The following ATP1A1 variants were observed in gnomAD, a reference collection of about 807,000 sequenced individuals.
The protein encoded by ATP1A1 is sodium/potassium-transporting ATPase subunit alpha-1.
ATP1A1 carries 14 observed loss-of-function variants against 114.8 expected under a neutral mutation model. The ratio of observed to expected loss-of-function variants is 0.12; its 90% CI spans 0.08 to 0.19. The LOEUF (loss-of-function observed/expected upper bound fraction) is 0.19. ATP1A1 is among the 10% of genes least tolerant of loss of function. The probability of loss-of-function intolerance (pLI) is 1.00; values close to 1 mark genes in which losing one functional copy is unlikely to be tolerated. For missense variants in ATP1A1, 524 were observed against 1,290.7 expected, an observed-to-expected ratio of 0.41 and a Z score of 9.10; for synonymous variants, 471 against 466.3, an observed-to-expected ratio of 1.01 and a Z score of -0.13.
rs2101066700 is a variant in ATP1A1, at chr1:116,401,317, T to C, written c.2849+57T>C. The C allele has an allele frequency of 6.2e-7, 1 of 1,607,340 alleles. No individual in the cohort carries two copies. Among genetic ancestry groups the C allele is most frequent in the South Asian group, 1.1e-5 (1 of 90,896 alleles). Reference sequence around the variant, plus strand: ...CTCAAAGAAGGGGACTGGTGATTTGTAAACCCTTTGCCAAAAACTAAACAT... The same window carrying C: ...CTCAAAGAAGGGGACTGGTGATTTGCAAACCCTTTGCCAAAAACTAAACAT... On this transcript the variant is annotated intron_variant, in intron 20 of 22. Transcript: ENST00000295598. The surrounding 1 kb of genome is among the most constrained non-coding windows in gnomAD (Gnocchi z 4.7).
intron 12 of ATP1A1, among the ~76,000 whole-genome samples, chr1:116,394,029 AAT>A (rs1652698094): frequency 1.3e-5 from 2 of 152,152 alleles, no homozygotes; most frequent in Admixed American, 6.5e-5. Context: ...ATGGTGGAAG[AAT>A]ATCTTTCTTA....
At position 116,397,930 on chromosome 1, in the gene ATP1A1, C is replaced by T; in HGVS notation, c.2016C>T (p.Asp672=). ...TAGTACACGGCAGTGATCTAAAGGA[C>T]ATGACCTCCGAGCAGCTGGATGACA... ...ACVVHGSDLK[D]MTSEQLDDIL... Residue 672 remains aspartate (D), a synonymous_variant, in exon 15 of 23, where the codon GAC becomes GAT. Transcript: ENST00000295598. This position sits in a 1 kb window ranked among gnomAD's most constrained non-coding sequence, Gnocchi z 4.2. The T allele has an allele frequency of 6.2e-7, 1 of 1,612,696 alleles. No individual in the cohort carries two copies. Among genetic ancestry groups the T allele is most frequent in the Non-Finnish European group, 8.5e-7 (1 of 1,179,846 alleles).
At chr1:116,376,504 C>T (rs573906682) in intron 1 of ATP1A1, among the ~76,000 whole-genome samples, 154 of 152,316 alleles carry the variant, frequency 1.0e-3, no homozygotes, top group Admixed American at 1.7e-3. Flanking sequence ...GTGCCTAGAG[C>T]TGGGGGGTGG....
Position 116,404,103 on chromosome 1 carries a change from C to T in ATP1A1, c.3043+128C>T. 5 of 880,000 alleles carry T rather than the reference C, an allele frequency of 5.7e-6. No individual in the cohort carries two copies. The highest frequency in any genetic ancestry group is 8.8e-6 in the Non-Finnish European group (5 of 565,130). The allele number at this position is 880,000 out of a possible 1,614,324, so 54.5% of individuals were successfully genotyped here. A position where few individuals can be genotyped will look rare whatever the true frequency, so the allele number is the denominator to read the frequency against. On this transcript the variant is annotated intron_variant, in intron 22 of 22. Coordinates refer to ENST00000295598, the MANE Select transcript of ATP1A1 (RefSeq NM_000701.8). The surrounding 1 kb of genome is among the most constrained non-coding windows in gnomAD (Gnocchi z 4.8). ...AGTCTGATTAGCTAAGGTGACTGGA[C>T]CAGCAAACTGACCATAGTCACATCT...
At chr1:116,374,781 T>A (rs1275633944) in intron 1 of ATP1A1, among the ~76,000 whole-genome samples, 5 of 152,144 alleles carry the variant, frequency 3.3e-5, no homozygotes, top group Non-Finnish European at 2.9e-5. Context: ...AGACACTGAG[T>A]AGGTCTTTGA....
Position 116,384,976 on chromosome 1 carries a change from G to C in ATP1A1, c.183+134G>C. On this transcript the variant is annotated intron_variant, in intron 3 of 22. Coordinates refer to ENST00000295598, the MANE Select transcript of ATP1A1 (RefSeq NM_000701.8). This position sits in a 1 kb window ranked among gnomAD's most constrained non-coding sequence, Gnocchi z 5.1. ...GACACCATCTGCGTATCTACCATGT[G>C]ACATGCACAGAATTTGGGCATTTAT... 1 of 818,060 alleles carries C rather than the reference G, an allele frequency of 1.2e-6. No individual in the cohort carries two copies. The allele number at this position is 818,060 out of a possible 1,614,324, so 50.7% of individuals were successfully genotyped here. A position where few individuals can be genotyped will look rare whatever the true frequency, so the allele number is the denominator to read the frequency against.
chr1:116,377,601 G>A (rs1651459196), intron 1 of ATP1A1, among the ~76,000 whole-genome samples: 1 of 152,180 alleles, frequency 6.6e-6, no homozygotes, highest in African/African-American at 2.4e-5. Flanking sequence ...TTTGTTCGCG[G>A]TTGATGATCA....
At chr1:116,382,941 T>TGGGA (rs1226917320) in intron 1 of ATP1A1, among the ~76,000 whole-genome samples, 2 of 152,156 alleles carry the variant, frequency 1.3e-5, no homozygotes, top group Non-Finnish European at 2.9e-5. Flanking sequence ...GTTGTAGTTG[T>TGGGA]GGGAGGCTGC....
At position 116,389,156 on chromosome 1, in the gene ATP1A1, T is replaced by C; in HGVS notation, c.754+137T>C. On this transcript the variant is annotated intron_variant, in intron 7 of 22. Transcript: ENST00000295598. This position sits in a 1 kb window ranked among gnomAD's most constrained non-coding sequence, Gnocchi z 6.9. ...GTGTCAAGCACAGAGCAGAGGTGTT[T>C]TCCTAGCTGGCAGGAAACCTTGTGG... 2.1e-6 allele frequency: 2 copies of C among 971,054 alleles called. No homozygotes were observed. The highest frequency in any genetic ancestry group is 3.1e-6 in the Non-Finnish European group (2 of 638,060). 60.2% of individuals were successfully genotyped at this position (971,054 alleles called of 1,614,324 possible). A position where few individuals can be genotyped will look rare whatever the true frequency, so the allele number is the denominator to read the frequency against.
chr1:116,388,385 A>C lies in ATP1A1; in HGVS notation c.501+141A>C. The C allele has an allele frequency of 4.1e-6, 4 of 967,828 alleles. No individual in the cohort carries two copies. Among genetic ancestry groups the C allele is most frequent in the Non-Finnish European group, 6.1e-6 (4 of 653,190 alleles). The allele number at this position is 967,828 out of a possible 1,614,324, so 60.0% of individuals were successfully genotyped here. A position where few individuals can be genotyped will look rare whatever the true frequency, so the allele number is the denominator to read the frequency against. On this transcript the variant is annotated intron_variant, in intron 5 of 22. Coordinates refer to ENST00000295598, the MANE Select transcript of ATP1A1 (RefSeq NM_000701.8). This position sits in a 1 kb window ranked among gnomAD's most constrained non-coding sequence, Gnocchi z 5.6. Reference sequence around the variant, plus strand: ...GATGTCTTCTACCCCACCCAAAACCAACCTATTTTCCTTCTATCCAAAAAG... The same window carrying C: ...GATGTCTTCTACCCCACCCAAAACCCACCTATTTTCCTTCTATCCAAAAAG...
Position 116,404,641 on chromosome 1 carries a change from C to T in ATP1A1, c.*197C>T. On this transcript the variant is annotated 3_prime_UTR_variant, in exon 23 of 23. Transcript: ENST00000295598. The surrounding 1 kb of genome is among the most constrained non-coding windows in gnomAD (Gnocchi z 4.8). ...GGGGGGAGGGCTGCCTGAAAACCAT[C>T]CATCTGTGGAAATGACAGCGGGGAA... is the stretch of plus-strand genomic sequence containing the variant. 7.6e-7 allele frequency: 1 copy of T among 1,307,482 alleles called. No homozygotes were observed. The highest frequency in any genetic ancestry group is 9.7e-7 in the Non-Finnish European group (1 of 1,032,198). 81.0% of individuals were successfully genotyped at this position (1,307,482 alleles called of 1,614,324 possible). A position where few individuals can be genotyped will look rare whatever the true frequency, so the allele number is the denominator to read the frequency against.
Position 116,384,513 on chromosome 1 carries a change from G to A in ATP1A1, c.124-270G>A, listed in dbSNP as rs572616627. Among the ~76,000 whole-genome samples, 5 of 152,290 alleles carry A rather than the reference G, an allele frequency of 3.3e-5. No individual in the cohort carries two copies. The highest frequency in any genetic ancestry group is 1.3e-4 in the Admixed American group (2 of 15,294). On this transcript the variant is annotated intron_variant, in intron 2 of 22. Transcript: ENST00000295598. The surrounding 1 kb of genome is among the most constrained non-coding windows in gnomAD (Gnocchi z 5.1). ...AGATAAGGTTTTACTAGATCCCTGAGAGCTGCTGGGTTTCTCTGAAGTGTT... is the reference window on the plus strand; with the variant it reads ...AGATAAGGTTTTACTAGATCCCTGAAAGCTGCTGGGTTTCTCTGAAGTGTT...
At position 116,390,927 on chromosome 1, in the gene ATP1A1, C is replaced by T. The variant is rs771784289; in HGVS notation, c.1332+36C>T. ...GAGTTAACTAATGGAGGGATGTAGA[C>T]AGCACATGAGAACTGCCATTTGAGT... On this transcript the variant is annotated intron_variant, in intron 10 of 22. Transcript: ENST00000295598. 6.4e-6 allele frequency: 10 copies of T among 1,558,438 alleles called. No individual in the cohort carries two copies. In the Middle Eastern group the frequency reaches 1.0e-3, roughly 158 times the overall value.
Position 116,388,454 on chromosome 1 carries a change from C to A in ATP1A1, c.502-184C>A. 1.0e-6 allele frequency: 1 copy of A among 960,790 alleles called. No individual in the cohort carries two copies. The highest frequency in any genetic ancestry group is 1.5e-6 in the Non-Finnish European group (1 of 660,412). The allele number at this position is 960,790 out of a possible 1,614,324, so 59.5% of individuals were successfully genotyped here. ...ATGTAAACTCTGAATACAGGCACAC[C>A]ATGTAACAGCAATATCTCTTAAACT... On this transcript the variant is annotated intron_variant, in intron 5 of 22. Coordinates refer to ENST00000295598, the MANE Select transcript of ATP1A1 (RefSeq NM_000701.8). The surrounding 1 kb of genome is among the most constrained non-coding windows in gnomAD (Gnocchi z 5.6).
At position 116,389,809 on chromosome 1, in the gene ATP1A1, T is replaced by C. The variant is rs1557785701; in HGVS notation, c.1023+102T>C. 5 of 1,481,308 alleles carry C rather than the reference T, an allele frequency of 3.4e-6. No homozygotes were observed. The highest frequency in any genetic ancestry group is 1.8e-6 in the Non-Finnish European group (2 of 1,099,560). The allele number at this position is 1,481,308 out of a possible 1,614,324, so 91.8% of individuals were successfully genotyped here. A position where few individuals can be genotyped will look rare whatever the true frequency, so the allele number is the denominator to read the frequency against. ...GGTATTGCCAACTTATGTTTTATTC[T>C]GGATGTTTGATATAGTTCTTCTTGA... On this transcript the variant is annotated intron_variant, in intron 8 of 22. Coordinates refer to ENST00000295598, the MANE Select transcript of ATP1A1 (RefSeq NM_000701.8). The surrounding 1 kb of genome is among the most constrained non-coding windows in gnomAD (Gnocchi z 6.9).
rs142766448 is a variant in ATP1A1 at position 116,393,671 on chromosome 1, C to T, written c.1608C>T (p.Asp536=). Residue 536 remains aspartate (D), a synonymous_variant, in exon 12 of 23, where the codon GAC becomes GAT. Transcript: ENST00000295598. This position sits in a 1 kb window ranked among gnomAD's most constrained non-coding sequence, Gnocchi z 5.0. ...KEQPLDEELK[D]AFQNAYLELG... ...AGCCCCTGGATGAGGAGCTGAAAGA[C>T]GCCTTTCAGAACGCCTATTTGGAGC... 2.9e-4 allele frequency: 468 copies of T among 1,614,104 alleles called. No individual in the cohort carries two copies. The highest frequency in any genetic ancestry group is 3.7e-4 in the Non-Finnish European group (431 of 1,180,022).
intron 1 of ATP1A1, chr1:116,383,604 C>T (rs947790610): frequency 1.8e-5 from 3 of 164,624 alleles, no homozygotes; most frequent in Non-Finnish European, 3.9e-5. Context: ...ATTGAGAATG[C>T]GGACTCATAA....
At chr1:116,390,966 A>C in intron 10 of ATP1A1, 75 bp downstream of exon 10, 1 of 1,317,900 alleles carries the variant, frequency 7.6e-7, no homozygotes, top group Non-Finnish European at 1.1e-6. Context: ...AAAAGTAGCA[A>C]ATTACCTTTG....
At chr1:116,375,887 G>C (rs755621783) in intron 1 of ATP1A1, among the ~76,000 whole-genome samples, 1 of 152,172 alleles carries the variant, frequency 6.6e-6, no homozygotes, top group African/African-American at 2.4e-5. Flanking sequence ...CCTAGCTTTT[G>C]ATGATATTTC....
Sources: gnomAD v4.1 joint callset for allele counts (sites outside exome capture counted in the v4.1 genomes callset) on GRCh38, gnomAD v4.1.1 for gene constraint, Gnocchi (gnomAD v3.1) non-coding constraint, MANE v1.5 for transcripts, NCBI Gene and HGNC (gene_info 2026-07-23, HGNC 2026-07-21) for gene names.